The following CYP39A1 variants were observed in gnomAD, a reference collection of about 807,000 sequenced individuals.
The protein encoded by CYP39A1 is 24-hydroxycholesterol 7-alpha-hydroxylase.
CYP39A1 carries 49 observed loss-of-function variants against 58.1 expected under a neutral mutation model. The observed-to-expected ratio is 0.84, with a 90% CI of 0.67 to 1.07. The LOEUF (loss-of-function observed/expected upper bound fraction) is 1.07. Ranked by LOEUF, CYP39A1 falls within the 50% of genes least tolerant of loss-of-function variation. The pLI is 0.00. For synonymous variants in CYP39A1, 209 were observed against 187.6 expected (o/e 1.11, Z -0.93); for missense variants, 531 against 539.4 (o/e 0.98, Z 0.16).
chr6:46,598,621 C>T (rs1404486061), intron 7 of CYP39A1, among the ~76,000 whole-genome samples: 1 of 152,052 alleles, frequency 6.6e-6, no homozygotes, highest in Admixed American at 6.6e-5. Context: ...TGAAAAGTGG[C>T]TGAGATTTTG....
intron 1 of CYP39A1, among the ~76,000 whole-genome samples, chr6:46,646,491 T>A (rs1762335048): frequency 6.6e-6 from 1 of 152,152 alleles, no homozygotes; most frequent in African/African-American, 2.4e-5. Flanking sequence ...TATTTCTGCA[T>A]CTATTAATAT....
chr6:46,563,862 G>A (rs1026117019), intron 10 of CYP39A1, among the ~76,000 whole-genome samples: 34 of 152,224 alleles, frequency 2.2e-4, no homozygotes, highest in Admixed American at 1.5e-3. Context: ...GAAAGGTAAG[G>A]CTGGTGTCAG....
Position 46,642,406 on chromosome 6 carries a change from T to C in CYP39A1, c.178-108A>G, listed in dbSNP as rs1312438685. 3 of 1,067,816 alleles carry C rather than the reference T, an allele frequency of 2.8e-6. No individual in the cohort carries two copies. The East Asian group carries it at 7.9e-5, about 28-fold the overall frequency. 66.1% of individuals were successfully genotyped at this position (1,067,816 alleles called of 1,614,324 possible). On this transcript the variant is annotated intron_variant, in intron 1 of 11. Transcript: ENST00000275016. ...GAAGTTATAGTCAAAAGAAAAATTATTATGATTATATTTGGCAATTAGTTA... is the reference window on the plus strand; with the variant it reads ...GAAGTTATAGTCAAAAGAAAAATTACTATGATTATATTTGGCAATTAGTTA...
chr6:46,602,689 CAAAAAAA>C (rs35833432), intron 7 of CYP39A1, among the ~76,000 whole-genome samples: 1 of 46,894 alleles, frequency 2.1e-5, no homozygotes, highest in Non-Finnish European at 4.1e-5. Flanking sequence ...GTGCACGTCT[CAAAAAAA>C]AAAAAAAAAA....
chr6:46,612,126 C>T (rs895626707), intron 7 of CYP39A1, among the ~76,000 whole-genome samples: 8 of 152,174 alleles, frequency 5.3e-5, no homozygotes, highest in Non-Finnish European at 1.5e-5. Flanking sequence ...CTACAGCTAT[C>T]AGAGGCATCT....
At chr6:46,632,298 A>G (rs766001754) in intron 5 of CYP39A1, among the ~76,000 whole-genome samples, 54 of 152,336 alleles carry the variant, frequency 3.5e-4, no homozygotes, top group South Asian at 8.3e-4. Flanking sequence ...AATATTGGAC[A>G]GGCCAGGTGC....
intron 10 of CYP39A1, among the ~76,000 whole-genome samples, chr6:46,585,231 C>T (rs1313513789): frequency 1.3e-5 from 2 of 152,114 alleles, no homozygotes; most frequent in Non-Finnish European, 2.9e-5. Flanking sequence ...CCATACTACA[C>T]ACTTCATTGC....
chr6:46,624,369 C>G (rs1198687832), intron 7 of CYP39A1, among the ~76,000 whole-genome samples: 2 of 152,150 alleles, frequency 1.3e-5, no homozygotes, highest in Non-Finnish European at 1.5e-5. Context: ...GGCCAGTTGT[C>G]TTCTCTTATA....
intron 8 of CYP39A1, among the ~76,000 whole-genome samples, chr6:46,589,286 C>A (rs1772669469): frequency 6.6e-6 from 1 of 151,788 alleles, no homozygotes; most frequent in South Asian, 2.1e-4. Flanking sequence ...GACCTTGTCT[C>A]TACAAAAAAA....
chr6:46,581,510 T>C (rs1582328293), intron 10 of CYP39A1, among the ~76,000 whole-genome samples: 2 of 152,224 alleles, frequency 1.3e-5, no homozygotes, highest in South Asian at 4.1e-4. Flanking sequence ...ATCCTGTCCT[T>C]TGCAGCAACA....
chr6:46,635,666 C>T (rs1284058149), intron 5 of CYP39A1, among the ~76,000 whole-genome samples: 2 of 152,178 alleles, frequency 1.3e-5, no homozygotes, highest in Admixed American at 1.3e-4. Context: ...GTGATCCTCC[C>T]ACCTCAGCCT....
At chr6:46,632,465 GTT>G (rs370255302) in intron 5 of CYP39A1, among the ~76,000 whole-genome samples, 4,955 of 145,496 alleles carry the variant, frequency 0.034, 247 homozygotes, top group African/African-American at 0.11. Flanking sequence ...TATTTGTCAG[GTT>G]TTTTTTTTTT....
rs75064501 is a variant in CYP39A1 at position 46,565,101 on chromosome 6, C to T, written c.1251-11247G>A. On this transcript the variant is annotated intron_variant, in intron 10 of 11. Transcript: ENST00000275016. ...GGCCCCACCCCCAAAGTTTCTGAGT[C>T]GGGAGATCTGGGACAGGGCCCAGGA... Among the ~76,000 whole-genome samples the T allele has an allele frequency of 3.8e-3, 583 of 152,186 alleles. 3 individuals are homozygous for T. Among genetic ancestry groups the T allele is most frequent in the African/African-American group, 0.013 (559 of 41,514 alleles).
At chr6:46,580,024 C>CA (rs1772039499) in intron 10 of CYP39A1, among the ~76,000 whole-genome samples, 1 of 151,968 alleles carries the variant, frequency 6.6e-6, no homozygotes, top group South Asian at 2.1e-4. Context: ...CATATGGAAC[C>CA]AAAAAAGAGC....
chr6:46,637,901 T>G lies in CYP39A1; in HGVS notation c.566A>C (p.Glu189Ala), dbSNP rs964670383. ...ATAAACTTGAAAATACTGATGGAAC[T>G]CCTTGATTTTTTTCTTGTTTGTGGA... ...LFSTNKKKIKEFHQYFQVYDE... is the reference protein window; with the variant it reads ...LFSTNKKKIKAFHQYFQVYDE... Residue 189 changes from glutamate (E) to alanine (A), a missense_variant, in exon 4 of 12, where the codon GAG (glutamate) becomes GCG (alanine). Physicochemically the swap from Glu to Ala is moderately radical, Grantham distance 107. Coordinates refer to ENST00000275016, the MANE Select transcript of CYP39A1 (RefSeq NM_016593.5). 6.2e-7 allele frequency: 1 copy of G among 1,613,228 alleles called. No homozygotes were observed. The highest frequency in any genetic ancestry group is 8.5e-7 in the Non-Finnish European group (1 of 1,179,808).
At chr6:46,646,186 G>A (rs1762312342) in intron 1 of CYP39A1, among the ~76,000 whole-genome samples, 1 of 151,992 alleles carries the variant, frequency 6.6e-6, no homozygotes. Context: ...AGAGATCTTT[G>A]CTTTGTTCCC....
intron 10 of CYP39A1, among the ~76,000 whole-genome samples, chr6:46,581,903 C>A (rs1772154958): frequency 6.6e-6 from 1 of 152,160 alleles, no homozygotes; most frequent in Admixed American, 6.5e-5. Context: ...AAAATAATGA[C>A]TGCAATTTTG....
chr6:46,595,179 G>A (rs923028927), intron 8 of CYP39A1, among the ~76,000 whole-genome samples: 1 of 151,886 alleles, frequency 6.6e-6, no homozygotes, highest in Admixed American at 6.6e-5. Context: ...AGAGGATGTA[G>A]AGAAAAGGGA....
chr6:46,581,558 T>C (rs1369354736), intron 10 of CYP39A1, among the ~76,000 whole-genome samples: 6 of 152,102 alleles, frequency 3.9e-5, no homozygotes, highest in Admixed American at 3.3e-4. Flanking sequence ...AATGAATTAA[T>C]ACAGGAACAG....
Sources: allele counts gnomAD v4.1 joint callset (sites outside exome capture counted in the v4.1 genomes callset), GRCh38; gene constraint gnomAD v4.1.1; transcripts MANE v1.5; gene names NCBI Gene and HGNC (gene_info 2026-07-23, HGNC 2026-07-21).